SKIC3: variants seen among roughly 807,000 people sequenced by gnomAD.
SKIC3 encodes superkiller complex protein 3.
chr5:95,489,451 G>C, the SKIC3 span, among the ~76,000 whole-genome samples: 1 of 150,726 alleles, frequency 6.6e-6, no homozygotes, highest in Non-Finnish European at 1.5e-5. Context: ...AAGCAGTATA[G>C]TGTTAGTTGA....
the SKIC3 span, among the ~76,000 whole-genome samples, chr5:95,485,997 T>A: frequency 6.6e-6 from 1 of 152,068 alleles, no homozygotes; most frequent in African/African-American, 2.4e-5. Context: ...CAGTTTACAT[T>A]CCTACCATGG....
the SKIC3 span, among the ~76,000 whole-genome samples, chr5:95,536,333 G>A: frequency 7.2e-5 from 11 of 152,282 alleles, no homozygotes; most frequent in African/African-American, 2.4e-4. Context: ...TCAACACTGA[G>A]GCAGCTAAAC....
the SKIC3 span, chr5:95,514,847 T>C: frequency 1.9e-6 from 3 of 1,611,176 alleles, no homozygotes; most frequent in Admixed American, 5.0e-5. Context: ...ATATGTTATA[T>C]TTCTTACTTG....
At chr5:95,528,242 A>G in the SKIC3 span, 1 of 1,500,342 alleles carries the variant, frequency 6.7e-7, no homozygotes, top group Non-Finnish European at 9.2e-7. Flanking sequence ...TAAATTGCAG[A>G]TACAATAAGC....
the SKIC3 span, among the ~76,000 whole-genome samples, chr5:95,507,568 C>T: frequency 2.0e-5 from 3 of 152,100 alleles, no homozygotes; most frequent in South Asian, 2.1e-4. Context: ...AATGTCTTAA[C>T]GACTAAAAAG....
At chr5:95,512,697 A>T in the SKIC3 span, 1 of 1,501,824 alleles carries the variant, frequency 6.7e-7, no homozygotes, top group East Asian at 2.3e-5. Context: ...AAAACAATGC[A>T]CTTCAATACA....
At chr5:95,479,148 T>TCAA in the SKIC3 span, among the ~76,000 whole-genome samples, 1 of 152,264 alleles carries the variant, frequency 6.6e-6, no homozygotes, top group East Asian at 1.9e-4. Flanking sequence ...TGCTGGAAAG[T>TCAA]CAACGTATAA....
chr5:95,522,171 T>A, the SKIC3 span: 1 of 1,613,944 alleles, frequency 6.2e-7, no homozygotes, highest in Non-Finnish European at 8.5e-7. Context: ...ACACTGTATA[T>A]GGATTCTGGG....
chr5:95,530,115 T>C, the SKIC3 span: 1 of 1,613,530 alleles, frequency 6.2e-7, no homozygotes, highest in East Asian at 2.2e-5. Flanking sequence ...AACAGCATCT[T>C]CATACTTTTT....
At chr5:95,483,562 T>C in the SKIC3 span, among the ~76,000 whole-genome samples, 6 of 152,186 alleles carry the variant, frequency 3.9e-5, no homozygotes, top group Non-Finnish European at 7.4e-5. Flanking sequence ...CTGCTTTTCA[T>C]AGAATTTAAG....
At chr5:95,541,398 C>G in the SKIC3 span, 10 of 1,590,552 alleles carry the variant, frequency 6.3e-6, no homozygotes, top group African/African-American at 1.3e-5. Flanking sequence ...CAAAACAAAA[C>G]ACACACACAC....
the SKIC3 span, among the ~76,000 whole-genome samples, chr5:95,532,325 T>C: frequency 1.3e-5 from 2 of 152,136 alleles, no homozygotes; most frequent in African/African-American, 4.8e-5. Context: ...CATATTTCCT[T>C]TGCTAAAGCC....
the SKIC3 span, chr5:95,506,876 G>T: frequency 6.4e-7 from 1 of 1,552,554 alleles, no homozygotes; most frequent in Non-Finnish European, 8.9e-7. Flanking sequence ...CAGTCCCATA[G>T]CTTTCACCAG....
chr5:95,500,170 T>C, the SKIC3 span, among the ~76,000 whole-genome samples: 1 of 152,174 alleles, frequency 6.6e-6, no homozygotes, highest in Non-Finnish European at 1.5e-5. Flanking sequence ...TGCTTCTAGA[T>C]CATTGCTAGG....
the SKIC3 span, among the ~76,000 whole-genome samples, chr5:95,492,652 G>GAAAAA: frequency 8.8e-4 from 43 of 48,832 alleles, 3 homozygotes; most frequent in South Asian, 1.7e-3. Flanking sequence ...AAAAAAAAAA[G>GAAAAA]AAAAAAAAAA....
the SKIC3 span, among the ~76,000 whole-genome samples, chr5:95,508,982 T>G: frequency 5.3e-5 from 8 of 152,188 alleles, no homozygotes; most frequent in African/African-American, 1.9e-4. Context: ...CTGAGAAGAT[T>G]TTTGTTTTGT....
chr5:95,553,743 G>A, the SKIC3 span, among the ~76,000 whole-genome samples: 2 of 152,158 alleles, frequency 1.3e-5, no homozygotes, highest in Non-Finnish European at 2.9e-5. Flanking sequence ...ATTTTTCGTA[G>A]AGACGGGGTT....
At chr5:95,522,531 G>A in the SKIC3 span, among the ~76,000 whole-genome samples, 1 of 151,766 alleles carries the variant, frequency 6.6e-6, no homozygotes, top group South Asian at 2.1e-4. Context: ...TTTTGAAAAA[G>A]TGCTGAACAA....
the SKIC3 span, among the ~76,000 whole-genome samples, chr5:95,546,229 A>G: frequency 6.6e-6 from 1 of 152,012 alleles, no homozygotes; most frequent in Non-Finnish European, 1.5e-5. Flanking sequence ...GAGAAAAACT[A>G]CAGCGGAGTT....
Sources: allele counts gnomAD v4.1 joint callset (sites outside exome capture counted in the v4.1 genomes callset), GRCh38; gene constraint gnomAD v4.1.1; transcripts MANE v1.5; gene names NCBI Gene and HGNC (gene_info 2026-07-23, HGNC 2026-07-21).